Variants in SIK3 observed in about 807,000 individuals in gnomAD.
SIK3 encodes SIK family kinase 3.
Under a neutral mutation model 144.2 loss-of-function variants are expected in SIK3, and 28 were observed. That is an observed-to-expected ratio of 0.19 (90% CI 0.14 to 0.27). The LOEUF (loss-of-function observed/expected upper bound fraction) is 0.27, where lower values mean the gene tolerates loss of function less well. Among genes scored for constraint, SIK3 ranks in the 10% least tolerant of loss-of-function variants. The pLI is 1.00. For synonymous variants in SIK3, 686 were observed against 676.3 expected, an observed-to-expected ratio of 1.01 and a Z score of -0.22; for missense variants, 1,319 against 1,776.0, an observed-to-expected ratio of 0.74 and a Z score of 4.62.
At chr11:117,068,248 C>T (rs781135378) in intron 1 of SIK3, among the ~76,000 whole-genome samples, 1 of 152,064 alleles carries the variant, frequency 6.6e-6, no homozygotes, top group African/African-American at 2.4e-5. Flanking sequence ...AAGATCAAGC[C>T]CAAATGTCTC....
rs143467384 is a variant in SIK3, at chr11:116,950,601, A to G, written c.454+3443T>C. Among the ~76,000 whole-genome samples, 144 of 152,350 alleles carry G rather than the reference A, an allele frequency of 9.5e-4. 7 individuals carry two copies. In the East Asian group the frequency reaches 0.025, roughly 27 times the overall value. On this transcript the variant is annotated intron_variant, in intron 3 of 24. Transcript: ENST00000445177. ...TTAATTTTCTATTGTTCTGTTTAAAAGTAACCAATACACTGTTCAGACTTC... is the reference window on the plus strand; with the variant it reads ...TTAATTTTCTATTGTTCTGTTTAAAGGTAACCAATACACTGTTCAGACTTC...
chr11:116,931,756 C>T (rs1265084139), intron 3 of SIK3, among the ~76,000 whole-genome samples: 2 of 152,216 alleles, frequency 1.3e-5, no homozygotes, highest in Non-Finnish European at 2.9e-5. Flanking sequence ...CCCATGGAAA[C>T]GACTTCCTGT....
At chr11:116,948,213 T>C (rs1189140069) in intron 3 of SIK3, among the ~76,000 whole-genome samples, 6 of 151,950 alleles carry the variant, frequency 3.9e-5, no homozygotes, top group African/African-American at 1.4e-4. Flanking sequence ...GCTAGGATTA[T>C]AGGCATGAGC....
chr11:116,968,346 G>A (rs1949638174), intron 1 of SIK3, among the ~76,000 whole-genome samples: 1 of 152,140 alleles, frequency 6.6e-6, no homozygotes, highest in Non-Finnish European at 1.5e-5. Flanking sequence ...GTTTCACCAT[G>A]CTGGCCAGGC....
intron 1 of SIK3, among the ~76,000 whole-genome samples, chr11:116,977,697 T>C (rs1949997264): frequency 6.6e-6 from 1 of 152,154 alleles, no homozygotes; most frequent in Admixed American, 6.5e-5. Flanking sequence ...TCTTTGGTTT[T>C]TAACAATAAT....
At chr11:117,035,414 G>T (rs979733947) in intron 1 of SIK3, among the ~76,000 whole-genome samples, 2 of 152,190 alleles carry the variant, frequency 1.3e-5, no homozygotes, top group South Asian at 4.1e-4. Flanking sequence ...ATCTATTAAT[G>T]ATTCTATTAA....
At chr11:117,033,701 C>A in intron 1 of SIK3, among the ~76,000 whole-genome samples, 1 of 117,442 alleles carries the variant, frequency 8.5e-6, no homozygotes. Flanking sequence ...AAGAGCGAGA[C>A]TCCGTCTAAA....
chr11:116,938,525 G>GGGGAC (rs1948076823), intron 3 of SIK3, among the ~76,000 whole-genome samples: 1 of 62,920 alleles, frequency 1.6e-5, no homozygotes, highest in South Asian at 9.6e-4. Context: ...ATGAAAAGAA[G>GGGGAC]GGGACGGGAC....
Position 116,849,274 on chromosome 11 carries a change from A to G in SIK3, c.3665T>C (p.Ile1222Thr), listed in dbSNP as rs1212032157. The G allele has an allele frequency of 6.2e-7, 1 of 1,614,172 alleles. No homozygotes were observed. The stretch of plus-strand genomic sequence containing the variant: ...AGAACTTCTATCCATGCAGTTCCCT[A>G]TGACAGGCTCTGAGGAGACACAGCA... ...KNKVPSREPV[I>T]GNCMDRSSPG... The change falls in exon 22 of 25, where the codon ATA becomes ACA. Residue 1222 changes from isoleucine (I) to threonine (T), a missense_variant. Transcript: ENST00000445177. This position sits in a 1 kb window ranked among gnomAD's most constrained non-coding sequence, Gnocchi z 4.2.
chr11:116,883,086 A>C lies in SIK3; in HGVS notation c.866-6044T>G, dbSNP rs1944628100. Among the ~76,000 whole-genome samples the C allele has an allele frequency of 2.0e-5, 3 of 152,230 alleles. No individual in the cohort carries two copies. In the South Asian group the frequency reaches 6.2e-4, roughly 32 times the overall value. On this transcript the variant is annotated intron_variant, in intron 6 of 24. Coordinates refer to ENST00000445177, the MANE Select transcript of SIK3 (RefSeq NM_001366686.3). ...ACTCACTTTGTCCAGCTCGGGTACCAGCCCTGGGGGAGAAGTGATGCTATT... is the reference window on the plus strand; with the variant it reads ...ACTCACTTTGTCCAGCTCGGGTACCCGCCCTGGGGGAGAAGTGATGCTATT...
At chr11:117,010,171 C>G (rs1396561178) in intron 1 of SIK3, among the ~76,000 whole-genome samples, 2 of 152,006 alleles carry the variant, frequency 1.3e-5, no homozygotes, top group Admixed American at 1.3e-4. Flanking sequence ...AATGGGCCCT[C>G]CTTCATGAAG....
intron 1 of SIK3, among the ~76,000 whole-genome samples, chr11:117,094,541 G>A (rs1344587614): frequency 2.0e-5 from 3 of 152,098 alleles, no homozygotes; most frequent in Non-Finnish European, 2.9e-5. Flanking sequence ...CTGGGAGTTG[G>A]AGGTTACAGT....
chr11:117,098,075 G>A, intron 1 of SIK3, 68 bp downstream of exon 1: 31 of 1,226,494 alleles, frequency 2.5e-5, no homozygotes, highest in Non-Finnish European at 2.9e-5. Flanking sequence ...CCGACCCCCC[G>A]GCTGGGGGGC....
chr11:116,856,554 T>C (rs10790165), intron 21 of SIK3, among the ~76,000 whole-genome samples: 151,708 of 152,332 alleles, frequency 1, 75,544 homozygotes, highest in East Asian at 1. Context: ...CCACCTATGA[T>C]CTGGTTCTGA....
At chr11:117,015,710 C>T (rs1951493549) in intron 1 of SIK3, among the ~76,000 whole-genome samples, 1 of 152,104 alleles carries the variant, frequency 6.6e-6, no homozygotes, top group South Asian at 2.1e-4. Context: ...AAACTAATTA[C>T]AGGCATGTGC....
rs1243894640 is a variant in SIK3 at position 117,021,942 on chromosome 11, A to C, written c.274-64878T>G. 4.7e-4 allele frequency among the ~76,000 whole-genome samples: 60 copies of C among 128,788 alleles called. 1 individual carries two copies. Among genetic ancestry groups the C allele is most frequent in the Admixed American group, 8.7e-4 (12 of 13,740 alleles). The allele number at this position is 128,788 out of a possible 152,430, so 84.5% of individuals were successfully genotyped here. ...CTCTGTCTCTACAAAAAAAAAAAAA[A>C]AAAAAAAAAAAAAAAAAAACCTAAA... On this transcript the variant is annotated intron_variant, in intron 1 of 24. Coordinates refer to ENST00000445177, the MANE Select transcript of SIK3 (RefSeq NM_001366686.3).
intron 1 of SIK3, among the ~76,000 whole-genome samples, chr11:116,999,579 GTTTTC>G (rs113577777): frequency 5.2e-4 from 79 of 151,384 alleles, no homozygotes; most frequent in Non-Finnish European, 7.8e-4. Flanking sequence ...GTGGCATTTT[GTTTTC>G]TTTTCTTTTC....
At chr11:117,095,823 AGAAACACAAATGAATGCTGGTGT>A (rs1384433696) in intron 1 of SIK3, among the ~76,000 whole-genome samples, 1 of 152,246 alleles carries the variant, frequency 6.6e-6, no homozygotes, top group Non-Finnish European at 1.5e-5. Context: ...ACACTGCTAC[AGAAACACAAATGAATGCTGGTGT>A]GGCTCCTTCA....
At chr11:117,070,603 C>A (rs1045271007) in intron 1 of SIK3, among the ~76,000 whole-genome samples, 3 of 152,102 alleles carry the variant, frequency 2.0e-5, no homozygotes, top group Non-Finnish European at 4.4e-5. Context: ...CCCGCCATCA[C>A]ACGAGCTAAT....
Sources: allele counts gnomAD v4.1 joint callset (sites outside exome capture counted in the v4.1 genomes callset), GRCh38; gene constraint gnomAD v4.1.1; non-coding constraint Gnocchi (gnomAD v3.1); transcripts MANE v1.5; gene names NCBI Gene and HGNC (gene_info 2026-07-23, HGNC 2026-07-21).